Variants in PPP1R8 observed in about 807,000 individuals in gnomAD.
PPP1R8 encodes the protein protein phosphatase 1 regulatory subunit 8.
PPP1R8 carries 4 observed loss-of-function variants against 31.3 expected under a neutral mutation model. That is an observed-to-expected ratio of 0.13 (90% confidence interval 0.06 to 0.29). The LOEUF (loss-of-function observed/expected upper bound fraction) is 0.29. Ranked by LOEUF, PPP1R8 falls within the 10% of genes least tolerant of loss-of-function variation. The probability of loss-of-function intolerance (pLI) is 1.00; values close to 1 mark genes in which losing one functional copy is unlikely to be tolerated. For synonymous variants in PPP1R8, 170 were observed against 169.7 expected, an observed-to-expected ratio of 1.00 and a Z score of -0.01; for missense variants, 254 against 440.1, an observed-to-expected ratio of 0.58 and a Z score of 3.78.
chr1:27,850,147 C>A lies in PPP1R8; in HGVS notation c.757C>A (p.Arg253Ser), dbSNP rs2089327209. Residue 253 changes from arginine (R) to serine (S), a missense_variant, in exon 7 of 7, where the codon CGC (arginine) becomes AGC (serine). Coordinates refer to ENST00000311772, the MANE Select transcript of PPP1R8 (RefSeq NM_014110.5). Reference protein sequence around the residue: ...SLGLEESGSRRMQNFAFSGGL... With the variant: ...SLGLEESGSRSMQNFAFSGGL... ...GGGCCTGGAGGAATCAGGGAGCAGG[C>A]GCATGCAGAACTTTGCCTTCAGCGG... The A allele has an allele frequency of 1.9e-6, 3 of 1,610,660 alleles. No individual in the cohort carries two copies.
At chr1:27,847,402 G>A (rs188645211) in intron 6 of PPP1R8, among the ~76,000 whole-genome samples, 7,908 of 151,934 alleles carry the variant, frequency 0.052, 414 homozygotes, top group East Asian at 0.24. Flanking sequence ...AGCTACTCAG[G>A]AGGCTGAGGC....
chr1:27,837,100 C>A (rs2148615598), intron 2 of PPP1R8, among the ~76,000 whole-genome samples: 1 of 152,020 alleles, frequency 6.6e-6, no homozygotes, highest in South Asian at 2.1e-4. Flanking sequence ...TAAGATCCAA[C>A]AGAACCTTTT....
rs186007809 is a variant in PPP1R8, at chr1:27,849,635, C to A, written c.703-458C>A. ...TCCCGAGTAGCTGTGATTACAGGCA[C>A]CTGCCACCACGCCTGGCTAATTTTT... On this transcript the variant is annotated intron_variant, in intron 6 of 6. Transcript: ENST00000311772. 2.0e-5 allele frequency among the ~76,000 whole-genome samples: 3 copies of A among 152,154 alleles called. No individual in the cohort carries two copies. The East Asian group carries it at 5.8e-4, about 30-fold the overall frequency.
intron 2 of PPP1R8, chr1:27,834,410 A>G (rs762110568): frequency 1.9e-6 from 1 of 518,548 alleles, no homozygotes; most frequent in Non-Finnish European, 3.8e-6. Context: ...TCAGCACTTG[A>G]TACTAACCGA....
At chr1:27,846,959 A>T in intron 5 of PPP1R8, 69 bp from the exon 6 acceptor site, 1 of 1,271,646 alleles carries the variant, frequency 7.9e-7, no homozygotes, top group Non-Finnish European at 1.2e-6. Context: ...GTTTGTTTGC[A>T]GTGACTCCTG....
rs2089316593 is a variant in PPP1R8 at position 27,849,336 on chromosome 1, A to T, written c.703-757A>T. On this transcript the variant is annotated intron_variant, in intron 6 of 6. Transcript: ENST00000311772. ...CTGTGAGCTGAGATCGAGCCATTAC[A>T]CTCCAGCCTGGGCAACAAGAGTGAA... Among the ~76,000 whole-genome samples the T allele has an allele frequency of 3.4e-5, 5 of 146,144 alleles. No individual in the cohort carries two copies. In the Admixed American group the frequency reaches 3.6e-4, roughly 10 times the overall value.
Position 27,850,470 on chromosome 1 carries a change from G to A in PPP1R8, c.*24G>A. The A allele has an allele frequency of 1.4e-6, 2 of 1,470,862 alleles. No individual in the cohort carries two copies. Among genetic ancestry groups the A allele is most frequent in the Non-Finnish European group, 1.9e-6 (2 of 1,069,214 alleles). The allele number at this position is 1,470,862 out of a possible 1,614,324, so 91.1% of individuals were successfully genotyped here. On this transcript the variant is annotated 3_prime_UTR_variant, in exon 7 of 7. Coordinates refer to ENST00000311772, the MANE Select transcript of PPP1R8 (RefSeq NM_014110.5). Reference sequence around the variant, plus strand: ...GATATTTTTGGTCATGGAGAAGGGTGGGATTGGGTGGGAATGGGGTGGAAG... The same window carrying A: ...GATATTTTTGGTCATGGAGAAGGGTAGGATTGGGTGGGAATGGGGTGGAAG...
intron 1 of PPP1R8, among the ~76,000 whole-genome samples, chr1:27,831,906 A>G (rs566434349): frequency 3.3e-5 from 5 of 152,302 alleles, no homozygotes; most frequent in East Asian, 1.9e-4. Context: ...CTAACTTCAA[A>G]TTAGCAAACC....
chr1:27,849,950 TG>T, intron 6 of PPP1R8, 142 bp from the exon 7 acceptor site: 1 of 717,234 alleles, frequency 1.4e-6, no homozygotes, highest in Non-Finnish European at 2.3e-6. Flanking sequence ...ATAGGTTGTC[TG>T]GAAAGGAGAA....
intron 6 of PPP1R8, 82 bp downstream of exon 6, chr1:27,847,174 C>T: frequency 7.1e-7 from 1 of 1,403,554 alleles, no homozygotes; most frequent in South Asian, 1.2e-5. Context: ...TGCCTGTAAT[C>T]CAAGCACTTT....
At chr1:27,848,650 T>C (rs1187669781) in intron 6 of PPP1R8, among the ~76,000 whole-genome samples, 2 of 152,348 alleles carry the variant, frequency 1.3e-5, no homozygotes, top group African/African-American at 2.4e-5. Context: ...GTAAGATCTG[T>C]CAGAGTTCCT....
In PPP1R8 at chr1:27,849,496, A is replaced by T. The variant is rs185044846; in HGVS notation, c.703-597A>T. ...TCCATTTCCTAAAAGGGATTTTTTTAAAAATGTTTTTTATTTTTGAGACAG... is the reference window on the plus strand; with the variant it reads ...TCCATTTCCTAAAAGGGATTTTTTTTAAAATGTTTTTTATTTTTGAGACAG... On this transcript the variant is annotated intron_variant, in intron 6 of 6. Transcript: ENST00000311772. Among the ~76,000 whole-genome samples, 70 of 151,908 alleles carry T rather than the reference A, an allele frequency of 4.6e-4. 1 individual carries two copies. The South Asian group carries it at 5.2e-3, about 11-fold the overall frequency.
intron 5 of PPP1R8, among the ~76,000 whole-genome samples, chr1:27,845,982 G>A (rs893717284): frequency 1.3e-5 from 2 of 151,676 alleles, no homozygotes; most frequent in African/African-American, 4.9e-5. Flanking sequence ...AGTAGAGACG[G>A]AGTTTCACCA....
intron 5 of PPP1R8, among the ~76,000 whole-genome samples, chr1:27,845,091 C>G (rs1387238862): frequency 6.9e-6 from 1 of 145,150 alleles, no homozygotes; most frequent in African/African-American, 2.6e-5. Flanking sequence ...GTTTTTCTCA[C>G]TGAAAATTAG....
intron 3 of PPP1R8, 43 bp downstream of exon 3, chr1:27,838,895 A>G: frequency 6.9e-7 from 1 of 1,440,050 alleles, no homozygotes; most frequent in Non-Finnish European, 9.3e-7. Flanking sequence ...TTTAGGCAAT[A>G]TGAAAATACT....
chr1:27,850,482 G>GAATGGGACAGGGGGGGTTTGGGGGGGC lies in PPP1R8; in HGVS notation c.*42_*43insACAGGGGGGGTTTGGGGGGGCAATGGG. On this transcript the variant is annotated 3_prime_UTR_variant, in exon 7 of 7. Transcript: ENST00000311772. The stretch of plus-strand genomic sequence containing the variant: ...CATGGAGAAGGGTGGGATTGGGTGG[G>GAATGGGACAGGGGGGGTTTGGGGGGGC]AATGGGGTGGAAGGGTGATGGGGAG... 1 of 511,100 alleles carries GAATGGGACAGGGGGGGTTTGGGGGGGC rather than the reference G, an allele frequency of 2.0e-6. No individual in the cohort carries two copies. The highest frequency in any genetic ancestry group is 4.4e-5 in the East Asian group (1 of 22,560). 31.7% of individuals were successfully genotyped at this position (511,100 alleles called of 1,614,324 possible).
chr1:27,843,365 G>A (rs2089240924), intron 5 of PPP1R8, 35 bp downstream of exon 5: 1 of 1,613,474 alleles, frequency 6.2e-7, no homozygotes, highest in South Asian at 1.1e-5. Flanking sequence ...TGATGAAAAA[G>A]CTGTGGTTGG....
intron 6 of PPP1R8, 36 bp from the exon 7 acceptor site, chr1:27,850,057 C>A: frequency 6.6e-7 from 1 of 1,509,778 alleles, no homozygotes; most frequent in South Asian, 1.3e-5. Flanking sequence ...TGTCTTCTCT[C>A]TCCAATCTCT....
chr1:27,848,727 G>A (rs1311172275), intron 6 of PPP1R8, among the ~76,000 whole-genome samples: 5 of 152,144 alleles, frequency 3.3e-5, no homozygotes, highest in Non-Finnish European at 7.3e-5. Flanking sequence ...CTTTAGTCTA[G>A]TATGGAAAAG....
Sources: allele counts gnomAD v4.1 joint callset (sites outside exome capture counted in the v4.1 genomes callset), GRCh38; gene constraint gnomAD v4.1.1; transcripts MANE v1.5; gene names NCBI Gene and HGNC (gene_info 2026-07-23, HGNC 2026-07-21).